Variants in ZNF865 observed in about 807,000 individuals in gnomAD.
ZNF865 encodes zinc finger protein 865.
For synonymous variants in ZNF865, 763 were observed against 750.8 expected, an observed-to-expected ratio of 1.02 and a Z score of -0.27; for missense variants, 1,311 against 1,593.4, an observed-to-expected ratio of 0.82 and a Z score of 3.02.
chr19:55,606,728 G>A (rs1011932326), intron 1 of ZNF865, among the ~76,000 whole-genome samples: 1 of 152,186 alleles, frequency 6.6e-6, no homozygotes, highest in South Asian at 2.1e-4. Flanking sequence ...TGCGTTGAAC[G>A]CATATTCACT....
Position 55,616,601 on chromosome 19 carries a change from C to A in ZNF865, c.2983C>A (p.Leu995Ile). The A allele has an allele frequency of 6.5e-7, 1 of 1,527,272 alleles. No individual in the cohort carries two copies. The highest frequency in any genetic ancestry group is 1.2e-5 in the South Asian group (1 of 83,318). 94.6% of individuals were successfully genotyped at this position (1,527,272 alleles called of 1,614,324 possible). Residue 995 changes from leucine (L) to isoleucine (I), a missense_variant, in exon 2 of 2, where the codon CTC becomes ATC. Transcript: ENST00000568956. ...GCCCGAGCTCCGCTGCCCCGCCTGCCTCAAGGCCTTCAAGGATCCCGGCTA... is the reference window on the plus strand; with the variant it reads ...GCCCGAGCTCCGCTGCCCCGCCTGCATCAAGGCCTTCAAGGATCCCGGCTA... ...PRPELRCPAC[L>I]KAFKDPGYFR...
In ZNF865 at chr19:55,616,892, C is replaced by T. The variant is rs1025686773; in HGVS notation, c.*94C>T. ...ACTCTTCCCCCCTCCTCGCTGTTGC[C>T]CCATCCTTCAGAACTTCACACGGAC... On this transcript the variant is annotated 3_prime_UTR_variant, in exon 2 of 2. Coordinates refer to ENST00000568956, the MANE Select transcript of ZNF865 (RefSeq NM_001195605.2). 6.8e-6 allele frequency: 9 copies of T among 1,322,362 alleles called. No individual in the cohort carries two copies. In the Middle Eastern group the frequency reaches 1.1e-3, roughly 161 times the overall value. 81.9% of individuals were successfully genotyped at this position (1,322,362 alleles called of 1,614,324 possible).
chr19:55,615,888 T>C lies in ZNF865; in HGVS notation c.2270T>C (p.Val757Ala). The C allele has an allele frequency of 1.4e-6, 2 of 1,462,956 alleles. No homozygotes were observed. The highest frequency in any genetic ancestry group is 9.0e-7 in the Non-Finnish European group (1 of 1,114,898). The allele number at this position is 1,462,956 out of a possible 1,614,324, so 90.6% of individuals were successfully genotyped here. Residue 757 changes from valine to alanine, a missense_variant, in exon 2 of 2, where the codon GTG becomes GCG. Physicochemically the swap from Val to Ala is moderately conservative, Grantham distance 64. Transcript: ENST00000568956. ...CTGGACAACGGGCTGGCGGGGGAGG[T>C]GGGGGCGGCCGTGGCGGCACTGGCA... ...SVLDNGLAGE[V>A]GAAVAALAGV...
chr19:55,609,602 T>C (rs1342271785), intron 1 of ZNF865, among the ~76,000 whole-genome samples: 2 of 152,220 alleles, frequency 1.3e-5, no homozygotes, highest in Non-Finnish European at 2.9e-5. Context: ...CCTGCTTTCC[T>C]CTTTATTGGC....
intron 1 of ZNF865, chr19:55,612,405 C>T (rs960389690): frequency 6.6e-6 from 1 of 152,200 alleles, no homozygotes; most frequent in African/African-American, 2.4e-5. Flanking sequence ...AAAGAGTGCA[C>T]TCCCCATACT....
chr19:55,607,706 A>T (rs1486618020), intron 1 of ZNF865, among the ~76,000 whole-genome samples: 1 of 152,224 alleles, frequency 6.6e-6, no homozygotes, highest in Admixed American at 6.5e-5. Flanking sequence ...GCCACACACC[A>T]AAAAGTTATA....
rs776204496 is a variant in ZNF865, at chr19:55,614,843, T to A, written c.1225T>A (p.Cys409Ser). ...THSADLLRLP[C>S]GICGKAFRDA... The stretch of plus-strand genomic sequence containing the variant: ...CTCGGCCGACCTCCTGCGCCTGCCC[T>A]GCGGCATCTGCGGGAAGGCCTTCCG... The change falls in exon 2 of 2, where the codon TGC (cysteine) becomes AGC (serine). Residue 409 changes from cysteine (C) to serine (S), a missense_variant. Physicochemically the swap from Cys to Ser is moderately radical, Grantham distance 112. Coordinates refer to ENST00000568956, the MANE Select transcript of ZNF865 (RefSeq NM_001195605.2). The surrounding 1 kb of genome is among the most constrained non-coding windows in gnomAD (Gnocchi z 8.0). The A allele has an allele frequency of 6.5e-7, 1 of 1,528,552 alleles. No homozygotes were observed. The highest frequency in any genetic ancestry group is 1.7e-4 in the Middle Eastern group (1 of 5,940). 94.7% of individuals were successfully genotyped at this position (1,528,552 alleles called of 1,614,324 possible).
rs1981271603 is a variant in ZNF865, at chr19:55,614,528, G to GCCA, written c.913_915dup (p.Thr305dup). 2.3e-6 allele frequency: 3 copies of GCCA among 1,314,508 alleles called. No homozygotes were observed. Among genetic ancestry groups the GCCA allele is most frequent in the Non-Finnish European group, 2.9e-6 (3 of 1,039,136 alleles). 81.4% of individuals were successfully genotyped at this position (1,314,508 alleles called of 1,614,324 possible). A position where few individuals can be genotyped will look rare whatever the true frequency, so the allele number is the denominator to read the frequency against. ...CCTCCCAGCACCCGCTGCCAGCGCC[G>GCCA]CCACCGCCGCCGCCCCCTCCACGGT... On this transcript the variant is annotated inframe_insertion, in exon 2 of 2. Transcript: ENST00000568956. This position sits in a 1 kb window ranked among gnomAD's most constrained non-coding sequence, Gnocchi z 8.0.
Position 55,616,570 on chromosome 19 carries a change from G to T in ZNF865, c.2952G>T (p.Pro984=). The part of the protein sequence containing the change: ...SVLRHQRAHE[P]PRPELRCPAC... ...TGCGCCACCAGCGCGCCCATGAGCC[G>T]CCGCGGCCCGAGCTCCGCTGCCCCG... The change falls in exon 2 of 2, where the codon CCG becomes CCT. Residue 984 remains proline, a synonymous_variant. Transcript: ENST00000568956. 2 of 1,530,670 alleles carry T rather than the reference G, an allele frequency of 1.3e-6. No individual in the cohort carries two copies. Among genetic ancestry groups the T allele is most frequent in the Non-Finnish European group, 1.7e-6 (2 of 1,144,304 alleles). The allele number at this position is 1,530,670 out of a possible 1,614,324, so 94.8% of individuals were successfully genotyped here. A position where few individuals can be genotyped will look rare whatever the true frequency, so the allele number is the denominator to read the frequency against.
chr19:55,613,927 CTCT>C lies in ZNF865; in HGVS notation c.312_314del (p.Ser117del). On this transcript the variant is annotated inframe_deletion, in exon 2 of 2. Coordinates refer to ENST00000568956, the MANE Select transcript of ZNF865 (RefSeq NM_001195605.2). Reference sequence around the variant, plus strand: ...CCTCGTCCTCGTCCTCCTCCTCCTCCTCTTCGTCCTCCTCGTCGTCATCTTCGT... The same window carrying C: ...CCTCGTCCTCGTCCTCCTCCTCCTCCTCGTCCTCCTCGTCGTCATCTTCGT... 1 of 1,527,958 alleles carries C rather than the reference CTCT, an allele frequency of 6.5e-7. No homozygotes were observed. The allele number at this position is 1,527,958 out of a possible 1,614,324, so 94.7% of individuals were successfully genotyped here.
intron 1 of ZNF865, among the ~76,000 whole-genome samples, chr19:55,606,035 G>A (rs1460241580): frequency 6.6e-6 from 1 of 152,068 alleles, no homozygotes; most frequent in Non-Finnish European, 1.5e-5. Flanking sequence ...AGCGCTCCCC[G>A]TCATTGCTTC....
At chr19:55,612,136 A>G (rs1028024918) in intron 1 of ZNF865, among the ~76,000 whole-genome samples, 2 of 152,148 alleles carry the variant, frequency 1.3e-5, no homozygotes, top group African/African-American at 2.4e-5. Flanking sequence ...AGGGGGTTGA[A>G]TGCATTCTGC....
chr19:55,614,374 C>T lies in ZNF865; in HGVS notation c.756C>T (p.Tyr252=), dbSNP rs754929694. The T allele has an allele frequency of 6.5e-5, 96 of 1,485,148 alleles. 1 individual carries two copies. The South Asian group carries it at 1.1e-3, about 18-fold the overall frequency. The allele number at this position is 1,485,148 out of a possible 1,614,324, so 92.0% of individuals were successfully genotyped here. Residue 252 remains tyrosine (Y), a synonymous_variant, in exon 2 of 2, where the codon TAC becomes TAT. Coordinates refer to ENST00000568956, the MANE Select transcript of ZNF865 (RefSeq NM_001195605.2). This position sits in a 1 kb window ranked among gnomAD's most constrained non-coding sequence, Gnocchi z 8.0. ...TGGTGCACTCGGGGGAGAGGCCCTA[C>T]GAATGCGGCGTCTGCGGCCGCACCT... ...HMLVHSGERP[Y]ECGVCGRTYN... is the part of the protein sequence containing the mutation.
chr19:55,615,734 T>G lies in ZNF865; in HGVS notation c.2116T>G (p.Phe706Val). 1 of 1,533,736 alleles carries G rather than the reference T, an allele frequency of 6.5e-7. No individual in the cohort carries two copies. Among genetic ancestry groups the G allele is most frequent in the Non-Finnish European group, 8.7e-7 (1 of 1,145,888 alleles). The change falls in exon 2 of 2, where the codon TTC (phenylalanine) becomes GTC (valine). Residue 706 changes from phenylalanine to valine, a missense_variant. Phe to Val is a conservative substitution (Grantham distance 50). Transcript: ENST00000568956. ...PYGCDACGKTFGFIENLMWHK... is the reference protein window; with the variant it reads ...PYGCDACGKTVGFIENLMWHK... ...CGGCTGCGACGCCTGCGGCAAGACC[T>G]TCGGCTTCATCGAGAACCTCATGTG...
In ZNF865 at chr19:55,616,833, C is replaced by G. The variant is rs1051237327; in HGVS notation, c.*35C>G. On this transcript the variant is annotated 3_prime_UTR_variant, in exon 2 of 2. Transcript: ENST00000568956. Reference sequence around the variant, plus strand: ...TCCCATCCCACTCCCATCAAAAGCCCCCTTCTGGACTCCCACCTCCCAGGA... The same window carrying G: ...TCCCATCCCACTCCCATCAAAAGCCGCCTTCTGGACTCCCACCTCCCAGGA... The G allele has an allele frequency of 1.4e-6, 2 of 1,431,702 alleles. No homozygotes were observed. Among genetic ancestry groups the G allele is most frequent in the Non-Finnish European group, 1.8e-6 (2 of 1,097,296 alleles). The allele number at this position is 1,431,702 out of a possible 1,614,324, so 88.7% of individuals were successfully genotyped here.
chr19:55,613,331 T>TA (rs1325788730), intron 1 of ZNF865, among the ~76,000 whole-genome samples: 1 of 151,330 alleles, frequency 6.6e-6, no homozygotes, highest in Non-Finnish European at 1.5e-5. Context: ...TGGAAGGAAT[T>TA]AGAGAAGGAA....
rs912111810 is a variant in ZNF865 at position 55,616,797 on chromosome 19, G to A, written c.3179G>A (p.Ter1060=). Reference sequence around the variant, plus strand: ...GGCACCTTGGCCGGGAAGGATGCCTGACCGAGGGGTTCCCATCCCACTCCC... The same window carrying A: ...GGCACCTTGGCCGGGAAGGATGCCTAACCGAGGGGTTCCCATCCCACTCCC... ...GAGTLAGKDA[*] The change falls in exon 2 of 2, where the codon TGA becomes TAA. Residue 1060 remains the stop codon, a stop_retained_variant. Transcript: ENST00000568956. 15 of 1,441,336 alleles carry A rather than the reference G, an allele frequency of 1.0e-5. No homozygotes were observed. In the East Asian group the frequency reaches 3.5e-4, roughly 34 times the overall value. 89.3% of individuals were successfully genotyped at this position (1,441,336 alleles called of 1,614,324 possible).
chr19:55,615,030 A>T lies in ZNF865; in HGVS notation c.1412A>T (p.Glu471Val). ...AAHAPPAAAA[E>V]APKDGAASAP... Reference sequence around the variant, plus strand: ...CACGCCCCGCCCGCTGCCGCTGCGGAGGCGCCCAAGGACGGGGCGGCCTCG... The same window carrying T: ...CACGCCCCGCCCGCTGCCGCTGCGGTGGCGCCCAAGGACGGGGCGGCCTCG... The change falls in exon 2 of 2, where the codon GAG (glutamate) becomes GTG (valine). Residue 471 changes from glutamate to valine, a missense_variant. Glu to Val is a moderately radical substitution (Grantham distance 121, BLOSUM62 -2). Transcript: ENST00000568956. 1 of 1,310,460 alleles carries T rather than the reference A, an allele frequency of 7.6e-7. No individual in the cohort carries two copies. Among genetic ancestry groups the T allele is most frequent in the Non-Finnish European group, 9.7e-7 (1 of 1,033,402 alleles). 81.2% of individuals were successfully genotyped at this position (1,310,460 alleles called of 1,614,324 possible).
chr19:55,610,032 T>C (rs1487267908), intron 1 of ZNF865, among the ~76,000 whole-genome samples: 4 of 152,200 alleles, frequency 2.6e-5, no homozygotes, highest in Non-Finnish European at 5.9e-5. Flanking sequence ...CCAGAATTGC[T>C]TCTCCCAGGA....
Sources: allele counts gnomAD v4.1 joint callset (sites outside exome capture counted in the v4.1 genomes callset), GRCh38; gene constraint gnomAD v4.1.1; non-coding constraint Gnocchi (gnomAD v3.1); transcripts MANE v1.5; gene names NCBI Gene and HGNC (gene_info 2026-07-23, HGNC 2026-07-21).